SCHIP1: variants seen among roughly 807,000 people sequenced by gnomAD.
The protein encoded by SCHIP1 is schwannomin interacting protein 1.
In SCHIP1, 8 loss-of-function variants were observed where a neutral mutation model predicts 29.7. The ratio of observed to expected loss-of-function variants is 0.27; its 90% CI spans 0.16 to 0.49. The LOEUF is 0.49. Among genes scored for constraint, SCHIP1 ranks in the 20% least tolerant of loss-of-function variants. The pLI is 0.99. For synonymous variants in SCHIP1, 76 were observed against 94.9 expected, an observed-to-expected ratio of 0.80 and a Z score of 1.16; for missense variants, 193 against 294.6, an observed-to-expected ratio of 0.66 and a Z score of 2.52.
chr3:159,691,856 C>G, the SCHIP1 span, among the ~76,000 whole-genome samples: 1 of 152,024 alleles, frequency 6.6e-6, no homozygotes. Flanking sequence ...CCTTCATTTA[C>G]GAAGCTTAGT....
the SCHIP1 span, among the ~76,000 whole-genome samples, chr3:159,505,260 T>A: frequency 1.6e-4 from 25 of 152,266 alleles, no homozygotes; most frequent in African/African-American, 5.5e-4. Context: ...TGCTTAAACA[T>A]TTTATCTATC....
chr3:159,400,052 A>G, the SCHIP1 span, among the ~76,000 whole-genome samples: 2 of 152,360 alleles, frequency 1.3e-5, no homozygotes, highest in East Asian at 1.9e-4. Flanking sequence ...ACTAATGCCA[A>G]TGCTAACGGT....
the SCHIP1 span, among the ~76,000 whole-genome samples, chr3:159,823,164 G>A: frequency 1.3e-5 from 2 of 152,262 alleles, no homozygotes; most frequent in South Asian, 4.2e-4. Context: ...GGAGTAAGAA[G>A]TACCTTGAGG....
At chr3:159,577,075 G>A in the SCHIP1 span, among the ~76,000 whole-genome samples, 3,172 of 152,036 alleles carry the variant, frequency 0.021, 44 homozygotes, top group Non-Finnish European at 0.035. Flanking sequence ...CCATTGTCCT[G>A]GTTAGATCAT....
At chr3:159,542,280 T>C in the SCHIP1 span, among the ~76,000 whole-genome samples, 6 of 152,080 alleles carry the variant, frequency 3.9e-5, no homozygotes, top group African/African-American at 1.2e-4. Flanking sequence ...TTGGATACTT[T>C]TGACATATGT....
the SCHIP1 span, among the ~76,000 whole-genome samples, chr3:159,432,327 TGTGTGTGTGTGTGAGAGAGAGA>T: frequency 9.5e-4 from 101 of 106,324 alleles, 1 homozygote; most frequent in Admixed American, 2.3e-3. Context: ...TGTGTGTGTG[TGTGTGTGTGTGTGAGAGAGAGA>T]GAGAGAGAGA....
chr3:159,733,010 CTAAA>C, the SCHIP1 span, among the ~76,000 whole-genome samples: 2 of 152,154 alleles, frequency 1.3e-5, no homozygotes, highest in Non-Finnish European at 2.9e-5. Flanking sequence ...CAGTAGGAGA[CTAAA>C]TAAATAAACA....
chr3:159,773,725 A>T, the SCHIP1 span, among the ~76,000 whole-genome samples: 1 of 152,192 alleles, frequency 6.6e-6, no homozygotes, highest in African/African-American at 2.4e-5. Context: ...TCTTCCTTTT[A>T]AACTTCAGCT....
At chr3:159,298,761 G>A in the SCHIP1 span, among the ~76,000 whole-genome samples, 1 of 152,154 alleles carries the variant, frequency 6.6e-6, no homozygotes, top group African/African-American at 2.4e-5. Flanking sequence ...TGCAAGGCAA[G>A]CATCAGAAAT....
the SCHIP1 span, among the ~76,000 whole-genome samples, chr3:159,423,048 T>C: frequency 6.6e-6 from 1 of 151,998 alleles, no homozygotes; most frequent in Non-Finnish European, 1.5e-5. Flanking sequence ...CATAGATGAG[T>C]AAAGAATATG....
At chr3:159,450,749 G>A in the SCHIP1 span, among the ~76,000 whole-genome samples, 39,741 of 150,302 alleles carry the variant, frequency 0.26, 6,626 homozygotes, top group African/African-American at 0.48. Context: ...GCCTTTACAT[G>A]AACAAAATTA....
the SCHIP1 span, among the ~76,000 whole-genome samples, chr3:159,426,020 A>G: frequency 6.6e-6 from 1 of 152,150 alleles, no homozygotes; most frequent in Non-Finnish European, 1.5e-5. Flanking sequence ...ACATACCAGA[A>G]TCTCTGGGAC....
chr3:159,672,792 G>A, the SCHIP1 span, among the ~76,000 whole-genome samples: 1 of 152,200 alleles, frequency 6.6e-6, no homozygotes, highest in Non-Finnish European at 1.5e-5. Flanking sequence ...CTAGAAAGGA[G>A]AAGAAATAGC....
chr3:159,823,699 G>A, the SCHIP1 span, among the ~76,000 whole-genome samples: 8 of 152,222 alleles, frequency 5.3e-5, no homozygotes, highest in South Asian at 1.2e-3. Context: ...TGTAATTCTC[G>A]ACATAAATGA....
the SCHIP1 span, among the ~76,000 whole-genome samples, chr3:159,565,733 T>C: frequency 6.6e-6 from 1 of 152,182 alleles, no homozygotes; most frequent in African/African-American, 2.4e-5. Context: ...TTCTCTTAAA[T>C]ACATTTTTTC....
chr3:159,280,542 A>C, the SCHIP1 span, among the ~76,000 whole-genome samples: 5 of 152,318 alleles, frequency 3.3e-5, no homozygotes, highest in Non-Finnish European at 4.4e-5. Context: ...AATTCCCGTT[A>C]GTCTCAAAGG....
the SCHIP1 span, among the ~76,000 whole-genome samples, chr3:159,423,398 A>G: frequency 6.6e-6 from 1 of 152,336 alleles, no homozygotes; most frequent in South Asian, 2.1e-4. Flanking sequence ...GCACACCAGG[A>G]GATTATATCG....
At chr3:159,589,702 T>C in the SCHIP1 span, among the ~76,000 whole-genome samples, 1 of 152,158 alleles carries the variant, frequency 6.6e-6, no homozygotes, top group Non-Finnish European at 1.5e-5. Flanking sequence ...TGGCAGAAAT[T>C]TCATGACAAA....
At chr3:159,721,908 G>C in the SCHIP1 span, 1 of 432,692 alleles carries the variant, frequency 2.3e-6, no homozygotes, top group Non-Finnish European at 4.7e-6. Flanking sequence ...TGTCTTCTTT[G>C]CTGAGGAAAC....
Sources: gnomAD v4.1 joint callset for allele counts (sites outside exome capture counted in the v4.1 genomes callset) on GRCh38, gnomAD v4.1.1 for gene constraint, MANE v1.5 for transcripts, NCBI Gene and HGNC (gene_info 2026-07-23, HGNC 2026-07-21) for gene names.